The following PPP2R1B variants were observed in gnomAD, a reference collection of about 807,000 sequenced individuals.
The protein encoded by PPP2R1B is serine/threonine-protein phosphatase 2A 65 kDa regulatory subunit A beta isoform.
Under a neutral mutation model 72.7 loss-of-function variants are expected in PPP2R1B, and 58 were observed. The ratio of observed to expected loss-of-function variants is 0.80; its 90% confidence interval spans 0.65 to 0.99. The LOEUF (loss-of-function observed/expected upper bound fraction) is 0.99, where lower values mean the gene tolerates loss of function less well. Ranked by LOEUF, PPP2R1B falls within the 50% of genes least tolerant of loss-of-function variation. The pLI is 0.00. For missense variants in PPP2R1B, 695 were observed against 733.6 expected (o/e 0.95, Z 0.61); for synonymous variants, 256 against 264.6 (o/e 0.97, Z 0.32).
At chr11:111,721,913 G>A (rs766304932), downstream of PPP2R1B, 2 of 1,610,862 alleles carry the variant, frequency 1.2e-6, no homozygotes, top group South Asian at 1.1e-5. Context: ...AGAGCCTGGA[G>A]ACCCAGTACC....
At chr11:111,757,678 A>G (rs1368296422) in intron 5 of PPP2R1B, among the ~76,000 whole-genome samples, 1 of 151,960 alleles carries the variant, frequency 6.6e-6, no homozygotes, top group Non-Finnish European at 1.5e-5. Context: ...TACTGAAAAT[A>G]CAAAAAATTA....
the PPP2R1B span, among the ~76,000 whole-genome samples, chr11:111,691,328 T>A: frequency 6.6e-6 from 1 of 152,238 alleles, no homozygotes; most frequent in Non-Finnish European, 1.5e-5. Context: ...TCACATTTAA[T>A]TGGGCCCTCA....
downstream of PPP2R1B, chr11:111,724,086 A>G: frequency 6.2e-7 from 1 of 1,613,330 alleles, no homozygotes; most frequent in Non-Finnish European, 8.5e-7. Context: ...GAAATGCTAG[A>G]CGCTGTGGAT....
chr11:111,692,829 C>T, the PPP2R1B span, among the ~76,000 whole-genome samples: 19 of 150,750 alleles, frequency 1.3e-4, no homozygotes, highest in African/African-American at 4.6e-4. Flanking sequence ...TTTTTTTTGG[C>T]TTATGAAAAT....
At chr11:111,695,195 G>T in the PPP2R1B span, among the ~76,000 whole-genome samples, 1 of 152,040 alleles carries the variant, frequency 6.6e-6, no homozygotes, top group African/African-American at 2.4e-5. Context: ...ACTCTTCATC[G>T]AGGCTGGGTA....
intron 3 of PPP2R1B, 30 bp downstream of exon 3, chr11:111,764,772 TAGA>T (rs1945457085): frequency 1.7e-5 from 27 of 1,605,032 alleles, no homozygotes; most frequent in South Asian, 2.2e-5. Flanking sequence ...GCAAAAGTTG[TAGA>T]AGGAGGGTAG....
In PPP2R1B at chr11:111,752,171, C is replaced by T; in HGVS notation, c.1326G>A (p.Leu442=). 2 of 1,608,840 alleles carry T rather than the reference C, an allele frequency of 1.2e-6. No individual in the cohort carries two copies. The highest frequency in any genetic ancestry group is 1.7e-6 in the Non-Finnish European group (2 of 1,177,972). ...RLAIIEYMPL[L]AGQLGVEFFD... ...AACACATACTCACCAGCTGGCCTGC[C>T]AGCAGCGGCATATACTCAATGATGG... Residue 442 remains leucine (L), a synonymous_variant, in exon 10 of 15, where the codon CTG becomes CTA. Coordinates refer to ENST00000527614, the MANE Select transcript of PPP2R1B (RefSeq NM_002716.5).
downstream of PPP2R1B, chr11:111,726,229 T>C (rs1943961187): frequency 6.6e-6 from 1 of 152,208 alleles, no homozygotes; most frequent in African/African-American, 2.4e-5. Flanking sequence ...GCCACTCATT[T>C]CAGAACTGCA....
At chr11:111,712,349 G>A in the PPP2R1B span, 164 of 1,614,110 alleles carry the variant, frequency 1.0e-4, no homozygotes, top group Middle Eastern at 8.3e-4. Flanking sequence ...TGCATTCATG[G>A]AAGAAGAGTG....
chr11:111,697,353 A>G, the PPP2R1B span, among the ~76,000 whole-genome samples: 1 of 152,180 alleles, frequency 6.6e-6, no homozygotes, highest in African/African-American at 2.4e-5. Context: ...TCTGCAGATG[A>G]TATGCTGAGA....
Position 111,753,439 on chromosome 11 carries a change from C to G in PPP2R1B, c.1164+4G>C. On this transcript the variant is annotated splice_donor_region_variant and intron_variant, in intron 9 of 14. Coordinates refer to ENST00000527614, the MANE Select transcript of PPP2R1B (RefSeq NM_002716.5). Reference sequence around the variant, plus strand: ...AAGGCAACAGAACATAAAGCAAGACCCACCTCATCCTTTAACTGAGCTAAG... The same window carrying G: ...AAGGCAACAGAACATAAAGCAAGACGCACCTCATCCTTTAACTGAGCTAAG... The G allele has an allele frequency of 6.2e-7, 1 of 1,610,714 alleles. No homozygotes were observed. The highest frequency in any genetic ancestry group is 8.5e-7 in the Non-Finnish European group (1 of 1,179,210).
the PPP2R1B span, among the ~76,000 whole-genome samples, chr11:111,721,384 A>G: frequency 6.6e-6 from 1 of 152,170 alleles, no homozygotes; most frequent in African/African-American, 2.4e-5. Context: ...CACCCAAATG[A>G]AAAATACACA....
At chr11:111,758,367 G>A (rs928229472) in intron 5 of PPP2R1B, among the ~76,000 whole-genome samples, 2 of 152,118 alleles carry the variant, frequency 1.3e-5, no homozygotes, top group Non-Finnish European at 2.9e-5. Flanking sequence ...CAAGGTGGGC[G>A]GATCACAAGG....
chr11:111,749,510 C>A (rs910254536), intron 10 of PPP2R1B, among the ~76,000 whole-genome samples: 1 of 151,612 alleles, frequency 6.6e-6, no homozygotes. Flanking sequence ...GGCTCAAACT[C>A]CTGACCTCAG....
chr11:111,760,907 C>T lies in PPP2R1B; in HGVS notation c.451G>A (p.Asp151Asn). ...GCAGATGTGCGAGAGGTGAACCAAT[C>T]CCCACTTGCTAAGCGTTTCACCAGA... ...VPLVKRLASGDWFTSRTSACG... is the reference protein window; with the variant it reads ...VPLVKRLASGNWFTSRTSACG... The change falls in exon 4 of 15, where the codon GAT (aspartate) becomes AAT (asparagine). Residue 151 changes from aspartate to asparagine, a missense_variant. Asp to Asn is a conservative substitution (Grantham distance 23). Coordinates refer to ENST00000527614, the MANE Select transcript of PPP2R1B (RefSeq NM_002716.5). 3 of 1,614,174 alleles carry T rather than the reference C, an allele frequency of 1.9e-6. No homozygotes were observed. The highest frequency in any genetic ancestry group is 2.5e-6 in the Non-Finnish European group (3 of 1,180,046).
At chr11:111,698,399 G>A in the PPP2R1B span, among the ~76,000 whole-genome samples, 1 of 152,196 alleles carries the variant, frequency 6.6e-6, no homozygotes, top group Non-Finnish European at 1.5e-5. Flanking sequence ...TTCACCAGCT[G>A]TGGGGAAGTT....
chr11:111,748,327 C>A (rs1207121131), intron 10 of PPP2R1B, among the ~76,000 whole-genome samples: 1 of 152,262 alleles, frequency 6.6e-6, no homozygotes, highest in African/African-American at 2.4e-5. Flanking sequence ...CCAAGCAAAT[C>A]TGGATTACCT....
At chr11:111,724,271 T>G, downstream of PPP2R1B, 1 of 1,244,354 alleles carries the variant, frequency 8.0e-7, no homozygotes, top group Admixed American at 2.8e-5. Context: ...AATCAGAGGG[T>G]CTGGCTGGGG....
chr11:111,758,623 G>T (rs782014079), intron 5 of PPP2R1B, among the ~76,000 whole-genome samples: 72 of 152,084 alleles, frequency 4.7e-4, no homozygotes, highest in Non-Finnish European at 9.9e-4. Flanking sequence ...AAAGTGCAAA[G>T]AAAACAAAGG....
Sources: allele counts gnomAD v4.1 joint callset (sites outside exome capture counted in the v4.1 genomes callset), GRCh38; gene constraint gnomAD v4.1.1; transcripts MANE v1.5; gene names NCBI Gene and HGNC (gene_info 2026-07-23, HGNC 2026-07-21).